Variants in SOX5 observed in about 807,000 individuals in gnomAD.
SOX5 encodes the protein transcription factor SOX-5.
SOX5 carries 9 observed loss-of-function variants against 92.0 expected under a neutral mutation model. That is an observed-to-expected ratio of 0.10 (90% CI 0.06 to 0.17). The LOEUF is 0.17. Ranked by LOEUF, SOX5 falls within the 10% of genes least tolerant of loss-of-function variation. SOX5 has a pLI of 1.00. For missense variants in SOX5, 642 were observed against 944.5 expected, an observed-to-expected ratio of 0.68 and a Z score of 4.20; for synonymous variants, 344 against 336.3, an observed-to-expected ratio of 1.02 and a Z score of -0.25.
intron 2 of SOX5, among the ~76,000 whole-genome samples, chr12:23,887,240 T>G (rs1488433784): frequency 6.6e-6 from 1 of 152,104 alleles, no homozygotes; most frequent in Non-Finnish European, 1.5e-5. Context: ...CAGAGCACAA[T>G]GGTGCTGATT....
chr12:24,342,212 T>C (rs73064430), intron 2 of SOX5, among the ~76,000 whole-genome samples: 19,851 of 152,208 alleles, frequency 0.13, 1,691 homozygotes, highest in Non-Finnish European at 0.19. Context: ...GACTCCATAA[T>C]ACACCAGAAA....
chr12:24,403,537 G>A (rs1462731643), intron 1 of SOX5, among the ~76,000 whole-genome samples: 1 of 152,128 alleles, frequency 6.6e-6, no homozygotes, highest in Non-Finnish European at 1.5e-5. Flanking sequence ...TAAAATATTA[G>A]TGTGCAGCTG....
chr12:23,956,401 T>A (rs552552801), intron 4 of SOX5, among the ~76,000 whole-genome samples: 3 of 152,300 alleles, frequency 2.0e-5, no homozygotes, highest in African/African-American at 7.2e-5. Flanking sequence ...CTCTGCCTCC[T>A]GTCAGATCAG....
intron 3 of SOX5, among the ~76,000 whole-genome samples, chr12:23,781,080 T>C (rs2095269142): frequency 6.6e-6 from 1 of 152,010 alleles, no homozygotes; most frequent in Non-Finnish European, 1.5e-5. Flanking sequence ...CCCATGTAAT[T>C]CCCTTGTCTC....
At chr12:23,890,320 CAA>C (rs201083567) in intron 2 of SOX5, among the ~76,000 whole-genome samples, 19 of 92,432 alleles carry the variant, frequency 2.1e-4, no homozygotes, top group South Asian at 6.5e-4. Context: ...AACTCCATTT[CAA>C]AAAAAAAAAA....
At chr12:23,589,456 C>G (rs981596149) in intron 9 of SOX5, among the ~76,000 whole-genome samples, 1 of 151,786 alleles carries the variant, frequency 6.6e-6, no homozygotes, top group African/African-American at 2.4e-5. Flanking sequence ...TTCATTTATA[C>G]CTGACCTAAA....
intron 3 of SOX5, among the ~76,000 whole-genome samples, chr12:23,811,356 G>T (rs771335629): frequency 2.0e-5 from 3 of 152,004 alleles, no homozygotes; most frequent in Non-Finnish European, 4.4e-5. Context: ...TATATAAAAT[G>T]AATTTTTCAG....
intron 2 of SOX5, among the ~76,000 whole-genome samples, chr12:24,361,294 T>C (rs547029928): frequency 6.6e-6 from 1 of 152,272 alleles, no homozygotes; most frequent in Admixed American, 6.5e-5. Flanking sequence ...TGCATGTTGC[T>C]TATAAATCAA....
intron 2 of SOX5, among the ~76,000 whole-genome samples, chr12:23,872,074 T>C (rs1035067641): frequency 4.7e-5 from 7 of 150,170 alleles, no homozygotes; most frequent in Admixed American, 2.7e-4. Flanking sequence ...CTCAGCTCAC[T>C]GCAAGCTCCG....
chr12:24,336,475 G>A (rs1225165801), intron 2 of SOX5, among the ~76,000 whole-genome samples: 2 of 152,100 alleles, frequency 1.3e-5, no homozygotes, highest in East Asian at 1.9e-4. Context: ...TTTGAGATTG[G>A]GGGAAAGATC....
At chr12:24,370,359 C>G (rs1169400678) in intron 1 of SOX5, among the ~76,000 whole-genome samples, 1 of 151,156 alleles carries the variant, frequency 6.6e-6, no homozygotes, top group Non-Finnish European at 1.5e-5. Context: ...CCCCTGTAGT[C>G]CCAGCTGCTC....
chr12:23,742,949 C>T (rs970555496), intron 4 of SOX5, among the ~76,000 whole-genome samples: 2 of 88,656 alleles, frequency 2.3e-5, no homozygotes, highest in African/African-American at 4.4e-5. Flanking sequence ...AGATACACTG[C>T]CTAAAAAAAA....
chr12:23,823,167 G>T (rs1223135784), intron 3 of SOX5, among the ~76,000 whole-genome samples: 4 of 152,168 alleles, frequency 2.6e-5, no homozygotes, highest in Non-Finnish European at 5.9e-5. Flanking sequence ...TATGATGCTA[G>T]TTGGTTATTT....
intron 2 of SOX5, among the ~76,000 whole-genome samples, chr12:24,348,377 T>TATTTA (rs1327884457): frequency 6.6e-6 from 1 of 150,866 alleles, no homozygotes; most frequent in African/African-American, 2.4e-5. Flanking sequence ...TTTATTTATT[T>TATTTA]ATTTATTTAT....
At chr12:24,559,683 T>A (rs1954149825) in intron 1 of SOX5, among the ~76,000 whole-genome samples, 1 of 152,146 alleles carries the variant, frequency 6.6e-6, no homozygotes, top group African/African-American at 2.4e-5. Context: ...CACTCATAAC[T>A]CACCCCCACT....
chr12:24,379,288 G>A (rs1326568496), intron 1 of SOX5, among the ~76,000 whole-genome samples: 4 of 152,172 alleles, frequency 2.6e-5, no homozygotes, highest in African/African-American at 9.6e-5. Context: ...CAAATAGAGT[G>A]AAAGTTAAAA....
At chr12:23,816,122 G>A (rs936665059) in intron 3 of SOX5, among the ~76,000 whole-genome samples, 1 of 151,896 alleles carries the variant, frequency 6.6e-6, no homozygotes, top group Non-Finnish European at 1.5e-5. Flanking sequence ...CTACGCTGAG[G>A]TAGATTTGGC....
chr12:23,749,117 C>T (rs921380375), intron 4 of SOX5, among the ~76,000 whole-genome samples: 3 of 151,868 alleles, frequency 2.0e-5, no homozygotes, highest in South Asian at 4.1e-4. Context: ...AAAAATGGCA[C>T]TATTACAGCT....
intron 4 of SOX5, among the ~76,000 whole-genome samples, chr12:24,069,374 G>T (rs1277227683): frequency 6.6e-6 from 1 of 152,126 alleles, no homozygotes; most frequent in Non-Finnish European, 1.5e-5. Flanking sequence ...TATTGTAAAA[G>T]AAATAGCTTT....
Sources: gnomAD v4.1 joint callset for allele counts (sites outside exome capture counted in the v4.1 genomes callset) on GRCh38, gnomAD v4.1.1 for gene constraint, MANE v1.5 for transcripts, NCBI Gene and HGNC (gene_info 2026-07-23, HGNC 2026-07-21) for gene names.